The following ZNF385D variants were observed in gnomAD, a reference collection of about 807,000 sequenced individuals.
The protein encoded by ZNF385D is zinc finger protein 385D, also known as zinc finger protein 659.
ZNF385D carries 15 observed loss-of-function variants against 35.8 expected under a neutral mutation model. That is an observed-to-expected ratio of 0.42 (90% CI 0.28 to 0.64). ZNF385D has a LOEUF of 0.64. Among genes scored for constraint, ZNF385D ranks in the 30% least tolerant of loss-of-function variants. The pLI, the probability that ZNF385D is intolerant of heterozygous loss-of-function variation, is 0.23. For missense variants in ZNF385D, 474 were observed against 494.6 expected (o/e 0.96, Z 0.39); for synonymous variants, 212 against 186.8 (o/e 1.13, Z -1.10).
At chr3:22,323,094 T>C (rs1464244653) in intron 2 of ZNF385D, among the ~76,000 whole-genome samples, 4 of 152,014 alleles carry the variant, frequency 2.6e-5, no homozygotes, top group African/African-American at 9.7e-5. Flanking sequence ...AAGAATCCCC[T>C]TGGTTGCTAG....
intron 3 of ZNF385D, among the ~76,000 whole-genome samples, chr3:21,519,646 C>T (rs927384279): frequency 2.0e-5 from 3 of 152,148 alleles, no homozygotes; most frequent in African/African-American, 4.8e-5. Flanking sequence ...ACAGGCTCTG[C>T]AAAATTTGCT....
intron 3 of ZNF385D, among the ~76,000 whole-genome samples, chr3:21,841,774 T>C (rs1214105371): frequency 6.6e-6 from 1 of 151,948 alleles, no homozygotes; most frequent in African/African-American, 2.4e-5. Context: ...TTGACTTTAT[T>C]GGTTTAATTT....
At chr3:21,856,019 CAT>C (rs1696693377) in intron 3 of ZNF385D, among the ~76,000 whole-genome samples, 3 of 151,888 alleles carry the variant, frequency 2.0e-5, no homozygotes, top group African/African-American at 7.2e-5. Context: ...ATATAGTATT[CAT>C]GTGTGTGTCT....
intron 2 of ZNF385D, among the ~76,000 whole-genome samples, chr3:22,214,406 C>G (rs1012123082): frequency 1.3e-5 from 2 of 151,948 alleles, no homozygotes; most frequent in Non-Finnish European, 2.9e-5. Flanking sequence ...ATCTGGGCAC[C>G]TTGAAAAAAG....
intron 3 of ZNF385D, among the ~76,000 whole-genome samples, chr3:21,959,379 C>A (rs1256996574): frequency 6.6e-6 from 1 of 151,864 alleles, no homozygotes; most frequent in Non-Finnish European, 1.5e-5. Context: ...ATTTGTCCAG[C>A]CAAAACGGTA....
At chr3:21,495,185 C>A (rs233144) in intron 4 of ZNF385D, among the ~76,000 whole-genome samples, 118,538 of 151,832 alleles carry the variant, frequency 0.78, 46,391 homozygotes, top group East Asian at 0.88. Flanking sequence ...CGAGTTCCAT[C>A]AGTCAGACTC....
At chr3:21,501,881 A>C (rs981674975) in intron 4 of ZNF385D, among the ~76,000 whole-genome samples, 38 of 152,206 alleles carry the variant, frequency 2.5e-4, no homozygotes, top group Admixed American at 2.0e-3. Flanking sequence ...TTAATTTTTA[A>C]ATTTCATCCA....
At chr3:21,652,236 A>C (rs1049684097) in intron 2 of ZNF385D, among the ~76,000 whole-genome samples, 1 of 152,172 alleles carries the variant, frequency 6.6e-6, no homozygotes, top group African/African-American at 2.4e-5. Flanking sequence ...ACAAGAATCA[A>C]TGCATCAACC....
At position 21,511,746 on chromosome 3, in the gene ZNF385D, T is replaced by C; in HGVS notation, c.277-723A>G. 3 of 456,650 alleles carry C rather than the reference T, an allele frequency of 6.6e-6. 1 individual carries two copies. The highest frequency in any genetic ancestry group is 4.6e-5 in the South Asian group (3 of 64,564). 28.3% of individuals were successfully genotyped at this position (456,650 alleles called of 1,614,324 possible). ...CCTAATGGGGCCAATCCAGTTCTTT[T>C]GCTTGTGCCATCTGAGATATATAGA... On this transcript the variant is annotated intron_variant, in intron 3 of 7. Transcript: ENST00000281523.
At chr3:22,064,948 G>T (rs1227793270) in intron 3 of ZNF385D, among the ~76,000 whole-genome samples, 8 of 152,168 alleles carry the variant, frequency 5.3e-5, no homozygotes, top group Non-Finnish European at 1.0e-4. Flanking sequence ...CAGTAGCATG[G>T]TTGACTTAGC....
intron 2 of ZNF385D, among the ~76,000 whole-genome samples, chr3:22,343,126 T>G (rs1695498456): frequency 6.6e-6 from 1 of 152,232 alleles, no homozygotes; most frequent in Admixed American, 6.5e-5. Context: ...CTGCCTCTTT[T>G]TACTTTTTAA....
intron 2 of ZNF385D, among the ~76,000 whole-genome samples, chr3:22,342,258 C>A (rs1364134289): frequency 9.4e-6 from 1 of 106,738 alleles, no homozygotes; most frequent in Non-Finnish European, 1.7e-5. Flanking sequence ...GCCTGGGCGA[C>A]AGAGCAAGAC....
At chr3:21,457,897 C>A (rs1490746355) in intron 4 of ZNF385D, among the ~76,000 whole-genome samples, 1 of 152,028 alleles carries the variant, frequency 6.6e-6, no homozygotes, top group Non-Finnish European at 1.5e-5. Flanking sequence ...AAATTATTTT[C>A]TACATTTGGA....
In ZNF385D at chr3:22,332,628, GAAAT is replaced by G. The variant is rs535686602; in HGVS notation, c.106+39818_106+39821del. ...AGATAATTAAAAAGTGAATTAATTG[GAAAT>G]AAATAAAAGCTTAATTTATTTTGCA... On this transcript the variant is annotated intron_variant, in intron 2 of 5. Transcript: ENST00000494108. Among the ~76,000 whole-genome samples, 37 of 152,086 alleles carry G rather than the reference GAAAT, an allele frequency of 2.4e-4. 2 individuals are homozygous for G. In the South Asian group the frequency reaches 6.4e-3, roughly 26 times the overall value.
chr3:22,322,334 TACATAGGGAAATATCTTGGCTGG>T (rs1308986986), intron 2 of ZNF385D, among the ~76,000 whole-genome samples: 76 of 152,300 alleles, frequency 5.0e-4, no homozygotes, highest in African/African-American at 1.3e-3. Context: ...TTTTTTTGTC[TACATAGGGAAATATCTTGGCTGG>T]ATATAGTAAT....
chr3:22,312,297 C>T (rs1167335496), intron 2 of ZNF385D, among the ~76,000 whole-genome samples: 1 of 152,118 alleles, frequency 6.6e-6, no homozygotes, highest in Non-Finnish European at 1.5e-5. Context: ...CTTTCATAAG[C>T]ACTTCCTATT....
intron 3 of ZNF385D, among the ~76,000 whole-genome samples, chr3:21,846,986 A>G (rs1696047435): frequency 1.3e-5 from 2 of 152,056 alleles, no homozygotes; most frequent in Admixed American, 1.3e-4. Flanking sequence ...TCAGAGGTAA[A>G]GTAAAAGCAA....
Position 22,004,431 on chromosome 3 carries a change from G to A in ZNF385D, c.325+164386C>T, listed in dbSNP as rs896165624. 3.3e-5 allele frequency among the ~76,000 whole-genome samples: 5 copies of A among 152,130 alleles called. No individual in the cohort carries two copies. The East Asian group carries it at 9.6e-4, about 29-fold the overall frequency. On this transcript the variant is annotated intron_variant, in intron 3 of 5. Coordinates refer to the ZNF385D transcript ENST00000494108. ...GCAACAAAAACAAAAATAGACAAAT[G>A]AGATTATATTAAACTAAAAAGCTTT...
chr3:21,752,745 G>T (rs1471520946), upstream of ZNF385D, among the ~76,000 whole-genome samples: 1 of 151,950 alleles, frequency 6.6e-6, no homozygotes, highest in African/African-American at 2.4e-5. Flanking sequence ...CATAGTAAAG[G>T]ATATTAACTT....
Sources: gnomAD v4.1 joint callset for allele counts (sites outside exome capture counted in the v4.1 genomes callset) on GRCh38, gnomAD v4.1.1 for gene constraint, MANE v1.5 for transcripts, NCBI Gene and HGNC (gene_info 2026-07-23, HGNC 2026-07-21) for gene names.